IQSEC1: variants seen among roughly 807,000 people sequenced by gnomAD.
The protein encoded by IQSEC1 is IQ motif and SEC7 domain-containing protein 1.
In IQSEC1, 31 loss-of-function variants were observed where a neutral mutation model predicts 91.0. The observed-to-expected ratio is 0.34, with a 90% confidence interval of 0.26 to 0.46. IQSEC1 has a LOEUF of 0.46. Ranked by LOEUF, IQSEC1 falls within the 20% of genes least tolerant of loss-of-function variation. The pLI, the probability that IQSEC1 is intolerant of heterozygous loss-of-function variation, is 1.00. For synonymous variants in IQSEC1, 699 were observed against 662.6 expected (o/e 1.05, Z -0.84); for missense variants, 1,388 against 1,575.6 (o/e 0.88, Z 2.02).
intron 1 of IQSEC1, among the ~76,000 whole-genome samples, chr3:13,165,912 G>A (rs192416541): frequency 2.0e-5 from 3 of 152,272 alleles, no homozygotes; most frequent in Admixed American, 6.5e-5. Flanking sequence ...CCCCGCTTAC[G>A]GACATGCCTG....
At chr3:12,941,935 C>T (rs1234299989) in intron 1 of IQSEC1, 70 bp from the exon 2 acceptor site, 18 of 1,371,194 alleles carry the variant, frequency 1.3e-5, no homozygotes, top group Admixed American at 4.7e-5. Context: ...GGCCGTGGGG[C>T]GTGACCCCAC....
chr3:13,007,081 C>A (rs1702668401), intron 1 of IQSEC1, among the ~76,000 whole-genome samples: 1 of 152,216 alleles, frequency 6.6e-6, no homozygotes, highest in African/African-American at 2.4e-5. Context: ...CTTTTTGGCC[C>A]CCATCCCTGC....
chr3:13,130,640 T>C (rs1706596327), intron 2 of IQSEC1, among the ~76,000 whole-genome samples: 1 of 151,930 alleles, frequency 6.6e-6, no homozygotes, highest in Non-Finnish European at 1.5e-5. Flanking sequence ...TGTCATGTAG[T>C]GAAAGAGGGG....
At chr3:12,952,117 G>A (rs570496328) in intron 1 of IQSEC1, among the ~76,000 whole-genome samples, 4 of 152,248 alleles carry the variant, frequency 2.6e-5, no homozygotes, top group Admixed American at 6.5e-5. Flanking sequence ...GGAGAAGGTG[G>A]GGGTCAGGAG....
In IQSEC1 at chr3:12,940,132, G is replaced by A. The variant is rs532354786; in HGVS notation, c.318+1439C>T. Among the ~76,000 whole-genome samples, 264 of 152,206 alleles carry A rather than the reference G, an allele frequency of 1.7e-3. 1 individual carries two copies. Among genetic ancestry groups the A allele is most frequent in the Non-Finnish European group, 3.2e-3 (215 of 68,018 alleles). ...TTGCAGACATCTCTTACTATAAACCGTGGTCCACTTTGGATCTGGGCATCA... is the reference window on the plus strand; with the variant it reads ...TTGCAGACATCTCTTACTATAAACCATGGTCCACTTTGGATCTGGGCATCA... On this transcript the variant is annotated intron_variant, in intron 2 of 13. Coordinates refer to ENST00000613206, the MANE Select transcript of IQSEC1 (RefSeq NM_001134382.3). The surrounding 1 kb of genome is among the most constrained non-coding windows in gnomAD (Gnocchi z 4.4).
intron 1 of IQSEC1, among the ~76,000 whole-genome samples, chr3:13,220,227 G>A (rs932497246): frequency 6.6e-6 from 1 of 152,270 alleles, no homozygotes; most frequent in African/African-American, 2.4e-5. Context: ...GAGCCAGCCT[G>A]GCCCCTCCAA....
intron 1 of IQSEC1, among the ~76,000 whole-genome samples, chr3:13,200,973 C>T (rs549095899): frequency 6.6e-6 from 1 of 152,160 alleles, no homozygotes; most frequent in African/African-American, 2.4e-5. Context: ...ATGGGGAAAT[C>T]GAGCCAAGAC....
At chr3:13,046,014 C>T (rs772769476) in intron 1 of IQSEC1, among the ~76,000 whole-genome samples, 12 of 152,172 alleles carry the variant, frequency 7.9e-5, no homozygotes, top group African/African-American at 1.7e-4. Flanking sequence ...TGTGTGTATA[C>T]GTGTGTGCGT....
At chr3:13,137,289 G>T (rs139130523) in intron 2 of IQSEC1, among the ~76,000 whole-genome samples, 2 of 152,088 alleles carry the variant, frequency 1.3e-5, no homozygotes, top group Non-Finnish European at 2.9e-5. Flanking sequence ...ACCCAAACAC[G>T]CCCTGACAGG....
chr3:13,098,739 A>C (rs963708602), intron 2 of IQSEC1, among the ~76,000 whole-genome samples: 1 of 152,208 alleles, frequency 6.6e-6, no homozygotes, highest in African/African-American at 2.4e-5. Flanking sequence ...GAGAGTCCAG[A>C]ATGGGCAATT....
chr3:13,038,262 G>GTGTGTATATATATATA (rs1491471643), intron 1 of IQSEC1, among the ~76,000 whole-genome samples: 4 of 101,216 alleles, frequency 4.0e-5, no homozygotes, highest in African/African-American at 1.1e-4. Context: ...GTGTGTGTGT[G>GTGTGTATATATATATA]TATATATATA....
intron 2 of IQSEC1, among the ~76,000 whole-genome samples, chr3:13,147,616 T>C (rs1214619257): frequency 6.6e-6 from 1 of 152,232 alleles, no homozygotes; most frequent in Non-Finnish European, 1.5e-5. Flanking sequence ...TGAATTGTGC[T>C]GCAATAAACA....
chr3:12,907,810 T>G (rs920339558), intron 12 of IQSEC1, among the ~76,000 whole-genome samples: 1 of 152,188 alleles, frequency 6.6e-6, no homozygotes, highest in African/African-American at 2.4e-5. Flanking sequence ...CCACCAGGGC[T>G]TTCCCGGACC....
At chr3:13,186,557 G>A (rs917014107) in intron 1 of IQSEC1, among the ~76,000 whole-genome samples, 5 of 152,294 alleles carry the variant, frequency 3.3e-5, no homozygotes, top group East Asian at 3.9e-4. Flanking sequence ...GGTTGGTGCC[G>A]CCTGCCAGTC....
intron 2 of IQSEC1, among the ~76,000 whole-genome samples, chr3:13,104,459 T>C (rs187251006): frequency 7.2e-5 from 11 of 152,268 alleles, no homozygotes; most frequent in Non-Finnish European, 1.3e-4. Context: ...TATACAAAAA[T>C]ACATTCACAG....
At chr3:13,261,159 A>G (rs529593074) in intron 1 of IQSEC1, among the ~76,000 whole-genome samples, 77 of 152,354 alleles carry the variant, frequency 5.1e-4, no homozygotes, top group African/African-American at 1.8e-3. Flanking sequence ...GGCGCCCTCC[A>G]GGACCTGTTC....
intron 1 of IQSEC1, among the ~76,000 whole-genome samples, chr3:13,178,720 A>C (rs1693782327): frequency 6.6e-6 from 1 of 152,256 alleles, no homozygotes; most frequent in African/African-American, 2.4e-5. Context: ...TACTGGAAAA[A>C]GTAACGGCTG....
At chr3:13,104,324 C>T (rs1159244802) in intron 2 of IQSEC1, among the ~76,000 whole-genome samples, 4 of 152,152 alleles carry the variant, frequency 2.6e-5, no homozygotes, top group Non-Finnish European at 5.9e-5. Context: ...GGTGAGTCCC[C>T]TGGGTGACCC....
At chr3:12,949,488 T>C (rs1699398317) in intron 1 of IQSEC1, among the ~76,000 whole-genome samples, 1 of 152,242 alleles carries the variant, frequency 6.6e-6, no homozygotes, top group African/African-American at 2.4e-5. Flanking sequence ...CTGAAGTACG[T>C]ATGCCCATCA....
Sources: gnomAD v4.1 joint callset for allele counts (sites outside exome capture counted in the v4.1 genomes callset) on GRCh38, gnomAD v4.1.1 for gene constraint, Gnocchi (gnomAD v3.1) non-coding constraint, MANE v1.5 for transcripts, NCBI Gene and HGNC (gene_info 2026-07-23, HGNC 2026-07-21) for gene names.